Variants in NID1 observed in about 807,000 individuals in gnomAD.
NID1 encodes the protein nidogen 1.
A neutral mutation model predicts 130.6 loss-of-function variants in NID1; 76 were observed. The observed-to-expected ratio is 0.58, with a 90% CI of 0.48 to 0.70. The LOEUF (loss-of-function observed/expected upper bound fraction) is 0.70, where lower values mean the gene tolerates loss of function less well. NID1 is among the 30% of genes least tolerant of loss of function. The pLI, the probability that NID1 is intolerant of heterozygous loss-of-function variation, is 0.00. For missense variants in NID1, 1,517 were observed against 1,664.8 expected (o/e 0.91, Z 1.54); for synonymous variants, 665 against 675.1 (o/e 0.98, Z 0.23).
intron 3 of NID1, among the ~76,000 whole-genome samples, chr1:236,043,984 A>G (rs568603631): frequency 2.2e-4 from 34 of 152,154 alleles, no homozygotes; most frequent in African/African-American, 8.2e-4. Flanking sequence ...TTCCTCCACC[A>G]TTTTTACCAT....
At chr1:236,016,692 T>G (rs1402765410) in intron 10 of NID1, among the ~76,000 whole-genome samples, 1 of 152,110 alleles carries the variant, frequency 6.6e-6, no homozygotes, top group Non-Finnish European at 1.5e-5. Context: ...AAAATTAAAA[T>G]CCATAAATAG....
At chr1:235,991,140 T>A in intron 13 of NID1, 82 bp from the exon 14 acceptor site, 1 of 1,156,216 alleles carries the variant, frequency 8.6e-7, no homozygotes, top group Non-Finnish European at 1.2e-6. Flanking sequence ...CCCACACACA[T>A]GCACGCATGC....
At chr1:236,024,261 G>T in intron 8 of NID1, 48 bp from the exon 9 acceptor site, 1 of 1,602,536 alleles carries the variant, frequency 6.2e-7, no homozygotes, top group Non-Finnish European at 8.5e-7. Context: ...AGGAGCTCTT[G>T]CAGGTTTCCT....
rs1408164095 is a variant in NID1 at position 235,979,594 on chromosome 1, T to A, written c.3509+228A>T. 6.6e-6 allele frequency among the ~76,000 whole-genome samples: 1 copy of A among 152,206 alleles called. No homozygotes were observed. The highest frequency in any genetic ancestry group is 1.5e-5 in the Non-Finnish European group (1 of 68,038). ...AACCACACAGTCAGGAGCATCTGGATGATAAATGGCACCTCCTGTCCCCTA... is the reference window on the plus strand; with the variant it reads ...AACCACACAGTCAGGAGCATCTGGAAGATAAATGGCACCTCCTGTCCCCTA... On this transcript the variant is annotated intron_variant, in intron 18 of 19. Transcript: ENST00000264187. This position sits in a 1 kb window ranked among gnomAD's most constrained non-coding sequence, Gnocchi z 4.6.
chr1:236,047,214 A>C (rs1659627882), intron 2 of NID1, among the ~76,000 whole-genome samples: 1 of 152,142 alleles, frequency 6.6e-6, no homozygotes, highest in South Asian at 2.1e-4. Flanking sequence ...ACCAAGAGGG[A>C]GATATAGTTT....
chr1:236,042,442 G>C (rs1335004958), intron 3 of NID1, 150 bp from the exon 4 acceptor site: 1 of 1,015,342 alleles, frequency 9.8e-7, no homozygotes, highest in African/African-American at 1.6e-5. Context: ...TGGCCGTCAT[G>C]TCTGGGCGTC....
intron 12 of NID1, among the ~76,000 whole-genome samples, chr1:235,996,624 G>T (rs1345554246): frequency 2.6e-5 from 4 of 151,972 alleles, no homozygotes; most frequent in Admixed American, 1.3e-4. Flanking sequence ...TGCATTTTTA[G>T]TAGAGGTGGT....
chr1:236,025,834 CAA>C, intron 8 of NID1, 60 bp downstream of exon 8: 1 of 1,577,602 alleles, frequency 6.3e-7, no homozygotes, highest in Non-Finnish European at 8.6e-7. Flanking sequence ...AAAACAATGT[CAA>C]AGAGTGGGGT....
At chr1:236,039,836 G>A (rs948030593) in intron 4 of NID1, among the ~76,000 whole-genome samples, 5 of 152,090 alleles carry the variant, frequency 3.3e-5, no homozygotes, top group East Asian at 1.9e-4. Context: ...ACGTGATGCC[G>A]CTGATTACTT....
chr1:235,991,029 G>C lies in NID1; in HGVS notation c.2785C>G (p.Gln929Glu), dbSNP rs768374026. ...ACGGCGGTAGGCACCGCAGGTCCTT[G>C]GTGAATCGGGGGAGCCACTGTACTC... ...CLSTVAPPIH[Q>E]GPAVPTAVIP... Residue 929 changes from glutamine (Q) to glutamate (E), a missense_variant, in exon 14 of 20, where the codon CAA becomes GAA. Around this residue, in one of 3 missense-constraint regions of NID1, gnomAD observed 1,329 missense variants for 1,429.2 expected, o/e 0.93. Transcript: ENST00000264187. 1 of 1,605,942 alleles carries C rather than the reference G, an allele frequency of 6.2e-7. No individual in the cohort carries two copies. Among genetic ancestry groups the C allele is most frequent in the South Asian group, 1.1e-5 (1 of 89,762 alleles).
At chr1:236,017,801 C>T (rs998072281) in intron 9 of NID1, among the ~76,000 whole-genome samples, 1 of 152,206 alleles carries the variant, frequency 6.6e-6, no homozygotes, top group African/African-American at 2.4e-5. Flanking sequence ...CCCCACCTCT[C>T]CTAGAGTTAA....
intron 12 of NID1, among the ~76,000 whole-genome samples, chr1:236,006,551 A>G (rs1658254248): frequency 6.6e-6 from 1 of 152,238 alleles, no homozygotes. Context: ...GTTCTTCAAC[A>G]GACCAAATGC....
intron 9 of NID1, among the ~76,000 whole-genome samples, chr1:236,017,631 G>A (rs972397563): frequency 1.3e-5 from 2 of 152,272 alleles, no homozygotes; most frequent in East Asian, 1.9e-4. Context: ...TGATCCACCC[G>A]CCTTGGCCTC....
At chr1:236,012,895 C>G (rs942569198) in intron 11 of NID1, among the ~76,000 whole-genome samples, 2 of 152,150 alleles carry the variant, frequency 1.3e-5, no homozygotes, top group Non-Finnish European at 2.9e-5. Context: ...CCTAAAATTA[C>G]CTGTAAGAGA....
chr1:236,064,303 G>T (rs547462614), intron 1 of NID1, among the ~76,000 whole-genome samples: 1 of 152,334 alleles, frequency 6.6e-6, no homozygotes, highest in East Asian at 1.9e-4. Flanking sequence ...CTGGACTCTG[G>T]ACTCTGAAAC....
At position 236,011,959 on chromosome 1, in the gene NID1, G is replaced by A; in HGVS notation, c.2489C>T (p.Pro830Leu). The A allele has an allele frequency of 6.2e-7, 1 of 1,614,194 alleles. No individual in the cohort carries two copies. The change falls in exon 12 of 20, where the codon CCT becomes CTT. Residue 830 changes from proline (P) to leucine (L), a missense_variant. By Grantham distance (98) the Pro-to-Leu change is moderately conservative. This residue lies in a region of NID1 where 1,329 missense variants were observed against 1,429.2 expected (regional missense o/e 0.93). Transcript: ENST00000264187. ...ACGGAAGCCGTCTCCCTGATAACCA[G>A]GTTTGCACTGGCACGTGAAAGAGCC... ...TPGSFTCQCKPGYQGDGFRCV... is the reference protein window; with the variant it reads ...TPGSFTCQCKLGYQGDGFRCV...
chr1:236,050,119 G>A (rs867404774), intron 1 of NID1, among the ~76,000 whole-genome samples: 1 of 151,816 alleles, frequency 6.6e-6, no homozygotes, highest in Non-Finnish European at 1.5e-5. Context: ...TCATCAATGT[G>A]TCCAAAGTTA....
chr1:235,983,921 A>G (rs1004046960), intron 15 of NID1, among the ~76,000 whole-genome samples: 1 of 151,460 alleles, frequency 6.6e-6, no homozygotes, highest in Non-Finnish European at 1.5e-5. Flanking sequence ...TGTCACTCTC[A>G]CTCACTAGGG....
In NID1 at chr1:235,990,886, C is replaced by T. The variant is rs72765416; in HGVS notation, c.2928G>A (p.Pro976=). 4.1e-5 allele frequency: 66 copies of T among 1,614,046 alleles called. No homozygotes were observed. Among genetic ancestry groups the T allele is most frequent in the South Asian group, 6.6e-5 (6 of 91,070 alleles). The change falls in exon 14 of 20, where the codon CCG becomes CCA. Residue 976 remains proline (P), a splice_region_variant and synonymous_variant. Transcript: ENST00000264187. ...KTEAKAFLHV[P]AKVIIGLAFD... The stretch of plus-strand genomic sequence containing the variant: ...CCAGGTATAATCAGCCAGCACTCAC[C>T]GGGACATGAAGGAACGCCTTTGCTT...
Sources: gnomAD v4.1 joint callset for allele counts (sites outside exome capture counted in the v4.1 genomes callset) on GRCh38, gnomAD v4.1.1 for gene constraint, gnomAD v4.1.1 regional missense constraint, Gnocchi (gnomAD v3.1) non-coding constraint, MANE v1.5 for transcripts, NCBI Gene and HGNC (gene_info 2026-07-23, HGNC 2026-07-21) for gene names.